Variants in TXNRD2 observed in about 807,000 individuals in gnomAD.
TXNRD2 encodes the protein thioredoxin reductase 2, also known as thioredoxin reductase 2, mitochondrial.
Under a neutral mutation model 70.8 loss-of-function variants are expected in TXNRD2, and 67 were observed. The ratio of observed to expected loss-of-function variants is 0.95; its 90% CI spans 0.78 to 1.16. The LOEUF (loss-of-function observed/expected upper bound fraction) is 1.16. TXNRD2 is among the 50% of genes most tolerant of loss of function. TXNRD2 has a pLI of 0.00. For synonymous variants in TXNRD2, 301 were observed against 295.8 expected (o/e 1.02, Z -0.18); for missense variants, 644 against 719.9 (o/e 0.89, Z 1.21).
intron 2 of TXNRD2, among the ~76,000 whole-genome samples, chr22:19,924,308 A>T (rs12484658): frequency 6.6e-6 from 1 of 152,022 alleles, no homozygotes; most frequent in Admixed American, 6.6e-5. Flanking sequence ...CAGGGCGTTC[A>T]TCTTCATCCT....
chr22:19,877,660 C>T (rs1298374362), intron 16 of TXNRD2, among the ~76,000 whole-genome samples: 2 of 152,236 alleles, frequency 1.3e-5, no homozygotes, highest in Admixed American at 1.3e-4. Context: ...TGTCAACCCA[C>T]CCAGAGCCTT....
chr22:19,938,402 G>A (rs572957104), intron 1 of TXNRD2, among the ~76,000 whole-genome samples: 99 of 152,288 alleles, frequency 6.5e-4, no homozygotes, highest in Non-Finnish European at 1.1e-3. Flanking sequence ...TGAAAAAGCC[G>A]CTTATTGGAT....
chr22:19,925,879 G>C lies in TXNRD2; in HGVS notation c.172+5151C>G, dbSNP rs146579592. On this transcript the variant is annotated intron_variant, in intron 2 of 17. Transcript: ENST00000400521. ...TGGCACAAAGGATACCATCAAGAAA[G>C]TGCAGGGCCGGGCATGGTGGCTCAC... Among the ~76,000 whole-genome samples, 829 of 152,232 alleles carry C rather than the reference G, an allele frequency of 5.4e-3. 26 individuals are homozygous for C. Among genetic ancestry groups the C allele is most frequent in the African/African-American group, 0.019 (791 of 41,514 alleles).
At chr22:19,923,242 T>C (rs1255817195) in intron 2 of TXNRD2, among the ~76,000 whole-genome samples, 1 of 152,176 alleles carries the variant, frequency 6.6e-6, no homozygotes, top group Non-Finnish European at 1.5e-5. Flanking sequence ...TAAAACTATT[T>C]TTTTCCTTTC....
intron 8 of TXNRD2, among the ~76,000 whole-genome samples, chr22:19,909,871 C>CACACACACACACAACCACACACACCCT (rs1569093860): frequency 5.4e-5 from 3 of 55,688 alleles, no homozygotes; most frequent in African/African-American, 2.0e-4. Flanking sequence ...ACACACACAC[C>CACACACACACACAACCACACACACCCT]ACTCACACAC....
intron 17 of TXNRD2, 23 bp from the exon 18 acceptor site, chr22:19,875,830 C>T (rs1296023021): frequency 6.6e-6 from 1 of 152,338 alleles, no homozygotes; most frequent in Non-Finnish European, 1.5e-5. Flanking sequence ...GGAAGGTCAG[C>T]ACAGGTCAGC....
Position 19,941,810 on chromosome 22 carries a change from G to T in TXNRD2, c.-7C>A. On this transcript the variant is annotated 5_prime_UTR_variant, in exon 1 of 18. Transcript: ENST00000400521. The stretch of plus-strand genomic sequence containing the variant: ...CCACCGCCATTGCCGCCATCGTCGT[G>T]GGGCTTCTGGGGCAGCTAGGGCTGC... 6.5e-7 allele frequency: 1 copy of T among 1,530,230 alleles called. No individual in the cohort carries two copies. The highest frequency in any genetic ancestry group is 2.6e-5 in the East Asian group (1 of 37,840). 94.8% of individuals were successfully genotyped at this position (1,530,230 alleles called of 1,614,324 possible).
chr22:19,922,071 A>G (rs1194868058), intron 2 of TXNRD2, among the ~76,000 whole-genome samples: 1 of 152,220 alleles, frequency 6.6e-6, no homozygotes, highest in Non-Finnish European at 1.5e-5. Flanking sequence ...AAAAATGCCC[A>G]GAACCCAACA....
At chr22:19,921,955 T>C (rs185703296) in intron 2 of TXNRD2, among the ~76,000 whole-genome samples, 3 of 152,276 alleles carry the variant, frequency 2.0e-5, no homozygotes, top group African/African-American at 4.8e-5. Flanking sequence ...TGGGCACTGC[T>C]CCATACCCAC....
At chr22:19,894,814 C>G in intron 11 of TXNRD2, 3 of 375,422 alleles carry the variant, frequency 8.0e-6, no homozygotes, top group South Asian at 6.7e-5. Flanking sequence ...ATGGTGAAAC[C>G]CCGTCTCTAC....
intron 2 of TXNRD2, among the ~76,000 whole-genome samples, chr22:19,920,638 T>G (rs1250376127): frequency 6.6e-6 from 1 of 151,614 alleles, no homozygotes; most frequent in East Asian, 1.9e-4. Context: ...ATTTCAAGCT[T>G]CCATTTGCCC....
chr22:19,898,670 G>A (rs1026196159), intron 9 of TXNRD2, among the ~76,000 whole-genome samples: 16 of 151,968 alleles, frequency 1.1e-4, no homozygotes, highest in African/African-American at 3.4e-4. Context: ...ATGAGCCACC[G>A]CGCCCGGCCA....
chr22:19,930,649 G>A (rs1941321956), intron 2 of TXNRD2, among the ~76,000 whole-genome samples: 1 of 152,202 alleles, frequency 6.6e-6, no homozygotes, highest in South Asian at 2.1e-4. Flanking sequence ...CAGGGGCAGA[G>A]AGCAGGCAGG....
intron 1 of TXNRD2, chr22:19,932,642 T>A (rs1317924786): frequency 7.7e-7 from 1 of 1,304,572 alleles, no homozygotes; most frequent in African/African-American, 1.5e-5. Flanking sequence ...GAGGGCAGGG[T>A]GGGGACTGAT....
At chr22:19,936,587 T>C (rs564558977) in intron 1 of TXNRD2, among the ~76,000 whole-genome samples, 1 of 152,100 alleles carries the variant, frequency 6.6e-6, no homozygotes, top group East Asian at 1.9e-4. Flanking sequence ...CACCCTCCTA[T>C]CATTTTGGTC....
In TXNRD2 at chr22:19,898,127, A is replaced by G. The variant is rs1939599574; in HGVS notation, c.686T>C (p.Val229Ala). Residue 229 changes from valine to alanine, a missense_variant, in exon 10 of 18, where the codon GTG (valine) becomes GCG (alanine). Physicochemically the swap from Val to Ala is moderately conservative, Grantham distance 64. Transcript: ENST00000400521. The part of the protein sequence containing the change: ...GKTLVVGASY[V>A]ALECAGFLTG... ...GAGGAAGCCAGCACACTCCAGGGCC[A>G]CATCTGTGGGGTGCCAGCTAAGGAG... 1 of 1,560,526 alleles carries G rather than the reference A, an allele frequency of 6.4e-7. No individual in the cohort carries two copies. The highest frequency in any genetic ancestry group is 8.7e-7 in the Non-Finnish European group (1 of 1,152,452).
chr22:19,925,580 T>C (rs1296425397), intron 2 of TXNRD2, among the ~76,000 whole-genome samples: 1 of 151,778 alleles, frequency 6.6e-6, no homozygotes, highest in Non-Finnish European at 1.5e-5. Context: ...AGTAAACACA[T>C]GATATAATAA....
At chr22:19,929,762 A>C (rs994859386) in intron 2 of TXNRD2, among the ~76,000 whole-genome samples, 2 of 152,176 alleles carry the variant, frequency 1.3e-5, no homozygotes, top group Non-Finnish European at 2.9e-5. Context: ...AACGGGGTGG[A>C]GGACACACTC....
chr22:19,900,701 G>A (rs1939736718), intron 8 of TXNRD2, among the ~76,000 whole-genome samples: 1 of 150,836 alleles, frequency 6.6e-6, no homozygotes, highest in Non-Finnish European at 1.5e-5. Context: ...AGTGAGCCAA[G>A]ATCGTGTCAC....
Sources: allele counts gnomAD v4.1 joint callset (sites outside exome capture counted in the v4.1 genomes callset), GRCh38; gene constraint gnomAD v4.1.1; transcripts MANE v1.5; gene names NCBI Gene and HGNC (gene_info 2026-07-23, HGNC 2026-07-21).